Variants in LONP2 observed in about 807,000 individuals in gnomAD.
LONP2 encodes the protein lon protease homolog 2, peroxisomal.
In LONP2, 60 loss-of-function variants were observed where a neutral mutation model predicts 85.6. The ratio of observed to expected loss-of-function variants is 0.70; its 90% CI spans 0.57 to 0.87. The LOEUF is 0.87. LONP2 is among the 40% of genes least tolerant of loss of function. The pLI, the probability that LONP2 is intolerant of heterozygous loss-of-function variation, is 0.00. For missense variants in LONP2, 860 were observed against 1,063.5 expected, an observed-to-expected ratio of 0.81 and a Z score of 2.66; for synonymous variants, 395 against 389.7, an observed-to-expected ratio of 1.01 and a Z score of -0.16.
At chr16:48,349,143 CA>C (rs1280160644) in intron 14 of LONP2, among the ~76,000 whole-genome samples, 1 of 151,424 alleles carries the variant, frequency 6.6e-6, no homozygotes, top group Non-Finnish European at 1.5e-5. Flanking sequence ...ATAAAATGTA[CA>C]GAACTTGAGA....
At chr16:48,278,963 A>G (rs936661540) in intron 8 of LONP2, among the ~76,000 whole-genome samples, 2 of 151,970 alleles carry the variant, frequency 1.3e-5, no homozygotes, top group Non-Finnish European at 1.5e-5. Context: ...TCTCAGATTT[A>G]TCTTTTAAAA....
At position 48,299,721 on chromosome 16, in the gene LONP2, G is replaced by A; in HGVS notation, c.1594G>A (p.Glu532Lys). 6.2e-7 allele frequency: 1 copy of A among 1,614,046 alleles called. No individual in the cohort carries two copies. Among genetic ancestry groups the A allele is most frequent in the Non-Finnish European group, 8.5e-7 (1 of 1,179,948 alleles). The change falls in exon 10 of 15, where the codon GAA becomes AAA. Residue 532 changes from glutamate to lysine, a missense_variant. By Grantham distance (56) the Glu-to-Lys change is moderately conservative. Coordinates refer to ENST00000285737, the MANE Select transcript of LONP2 (RefSeq NM_031490.5). Reference protein sequence around the residue: ...AHRHLIPKQLEQHGLTPQQIQ... With the variant: ...AHRHLIPKQLKQHGLTPQQIQ... ...TAGGCACTTGATCCCCAAGCAGCTG[G>A]AACAACATGGGCTGACTCCACAGCA...
intron 8 of LONP2, among the ~76,000 whole-genome samples, chr16:48,284,879 A>G (rs1972406339): frequency 6.6e-6 from 1 of 152,228 alleles, no homozygotes; most frequent in African/African-American, 2.4e-5. Flanking sequence ...TTATGCCATT[A>G]TCTTTTAAAT....
chr16:48,323,492 T>G (rs1973308004), intron 11 of LONP2, among the ~76,000 whole-genome samples: 1 of 152,018 alleles, frequency 6.6e-6, no homozygotes, highest in Admixed American at 6.6e-5. Flanking sequence ...CCGTCTCTAC[T>G]AAAAATACAA....
At chr16:48,295,760 C>T (rs988197406) in intron 8 of LONP2, among the ~76,000 whole-genome samples, 1 of 152,194 alleles carries the variant, frequency 6.6e-6, no homozygotes, top group Non-Finnish European at 1.5e-5. Flanking sequence ...TTGAACAAAG[C>T]TTGAAACTGT....
At chr16:48,319,325 G>A (rs182424843) in intron 11 of LONP2, among the ~76,000 whole-genome samples, 13 of 151,996 alleles carry the variant, frequency 8.6e-5, no homozygotes, top group Admixed American at 1.3e-4. Flanking sequence ...AGGTCGCAGT[G>A]AGCCAAAAAT....
At chr16:48,301,679 C>G (rs75868934) in intron 10 of LONP2, among the ~76,000 whole-genome samples, 14,166 of 152,110 alleles carry the variant, frequency 0.093, 901 homozygotes, top group Admixed American at 0.19. Context: ...CTTGGCCAGG[C>G]TGGCCTGGAA....
chr16:48,343,361 A>G (rs1273360757), intron 12 of LONP2, among the ~76,000 whole-genome samples: 1 of 152,168 alleles, frequency 6.6e-6, no homozygotes, highest in Non-Finnish European at 1.5e-5. Flanking sequence ...GGCAATAATT[A>G]GATACTCCAA....
chr16:48,356,597 G>GTT lies in LONP2; in HGVS notation c.*4797_*4798dup. ...TCCAACACTAATGCTCATTTTTTTT[G>GTT]TTTGTTTTACAAACATTTGGTGGAT... On this transcript the variant is annotated 3_prime_UTR_variant, in exon 15 of 15. Transcript: ENST00000285737. 4.6e-6 allele frequency: 1 copy of GTT among 219,760 alleles called. No individual in the cohort carries two copies. The highest frequency in any genetic ancestry group is 4.8e-5 in the South Asian group (1 of 20,784). The allele number at this position is 219,760 out of a possible 1,614,324, so 13.6% of individuals were successfully genotyped here. A position where few individuals can be genotyped will look rare whatever the true frequency, so the allele number is the denominator to read the frequency against.
chr16:48,289,224 G>A (rs182094160), intron 8 of LONP2, among the ~76,000 whole-genome samples: 87 of 152,240 alleles, frequency 5.7e-4, no homozygotes, highest in African/African-American at 1.0e-3. Flanking sequence ...TTGAGGACGC[G>A]CGCCCATGAC....
At chr16:48,348,409 T>C (rs76699581) in intron 14 of LONP2, 119 bp downstream of exon 14, 2 of 492,460 alleles carry the variant, frequency 4.1e-6, no homozygotes, top group Admixed American at 4.4e-5. Flanking sequence ...GTATATATTA[T>C]ATTTTTATGC....
rs564488934 is a variant in LONP2 at position 48,304,400 on chromosome 16, A to G, written c.1795+1095A>G. ...AATCAAATGTGGATGTTCCTTTGGT[A>G]TCTACTTAAAATGTTTTAACTGGCC... is the stretch of plus-strand genomic sequence containing the variant. On this transcript the variant is annotated intron_variant, in intron 11 of 14. Transcript: ENST00000285737. 5.9e-5 allele frequency among the ~76,000 whole-genome samples: 9 copies of G among 152,238 alleles called. No homozygotes were observed. The South Asian group carries it at 1.9e-3, about 32-fold the overall frequency.
intron 11 of LONP2, among the ~76,000 whole-genome samples, chr16:48,328,096 A>G (rs1445102988): frequency 6.6e-6 from 1 of 152,094 alleles, no homozygotes; most frequent in Non-Finnish European, 1.5e-5. Context: ...AGGATCTGGG[A>G]GAATTTGCTA....
intron 12 of LONP2, chr16:48,345,778 C>T (rs930384756): frequency 5.9e-5 from 9 of 152,226 alleles, no homozygotes; most frequent in African/African-American, 1.9e-4. Context: ...GACGCAGAGG[C>T]TCACGCCTGT....
downstream of LONP2, chr16:48,357,473 T>A (rs1960417501): frequency 6.6e-6 from 1 of 151,880 alleles, no homozygotes; most frequent in Admixed American, 6.6e-5. Context: ...TAACACTCTA[T>A]CTGTACCTTT....
intron 7 of LONP2, among the ~76,000 whole-genome samples, chr16:48,271,531 G>T (rs1299207622): frequency 1.3e-5 from 2 of 152,120 alleles, no homozygotes; most frequent in Non-Finnish European, 2.9e-5. Flanking sequence ...TTTTCTATAA[G>T]AAATGGTTAT....
At chr16:48,288,557 T>C (rs1972497088) in intron 8 of LONP2, among the ~76,000 whole-genome samples, 1 of 152,184 alleles carries the variant, frequency 6.6e-6, no homozygotes, top group Non-Finnish European at 1.5e-5. Flanking sequence ...TTTTGGAGGC[T>C]AGAATTCCAA....
chr16:48,350,767 T>C (rs531677498), intron 14 of LONP2, among the ~76,000 whole-genome samples: 97 of 152,332 alleles, frequency 6.4e-4, no homozygotes, highest in African/African-American at 2.3e-3. Context: ...CCAGCCAGGC[T>C]GCAGTCACAT....
intron 8 of LONP2, among the ~76,000 whole-genome samples, chr16:48,290,752 T>A (rs967331832): frequency 1.3e-5 from 2 of 152,172 alleles, no homozygotes; most frequent in African/African-American, 2.4e-5. Flanking sequence ...CTCAGTCCTT[T>A]CGGGTTTTTA....
Sources: allele counts gnomAD v4.1 joint callset (sites outside exome capture counted in the v4.1 genomes callset), GRCh38; gene constraint gnomAD v4.1.1; transcripts MANE v1.5; gene names NCBI Gene and HGNC (gene_info 2026-07-23, HGNC 2026-07-21).